CNTNAP2: variants seen among roughly 807,000 people sequenced by gnomAD.
CNTNAP2 encodes contactin-associated protein-like 2.
In CNTNAP2, 98 loss-of-function variants were observed where a neutral mutation model predicts 155.2. That is an observed-to-expected ratio of 0.63 (90% CI 0.54 to 0.75). The LOEUF (loss-of-function observed/expected upper bound fraction) is 0.75. CNTNAP2 is among the 30% of genes least tolerant of loss of function. The probability of loss-of-function intolerance (pLI) is 0.00; values close to 1 mark genes in which losing one functional copy is unlikely to be tolerated. For missense variants in CNTNAP2, 1,727 were observed against 1,688.1 expected (o/e 1.02, Z -0.40); for synonymous variants, 651 against 631.2 (o/e 1.03, Z -0.47).
At chr7:147,339,494 T>C (rs1331175285) in intron 9 of CNTNAP2, among the ~76,000 whole-genome samples, 6 of 152,118 alleles carry the variant, frequency 3.9e-5, no homozygotes, top group African/African-American at 1.4e-4. Context: ...AGTCTTGAAC[T>C]TTGCAGCCAC....
intron 3 of CNTNAP2, among the ~76,000 whole-genome samples, chr7:146,842,917 C>T (rs1269997750): frequency 6.8e-6 from 1 of 146,882 alleles, no homozygotes; most frequent in Non-Finnish European, 1.5e-5. Context: ...CATCTCCTGA[C>T]CTTGTGATCT....
At chr7:148,387,190 C>T (rs184152696) in intron 22 of CNTNAP2, among the ~76,000 whole-genome samples, 87 of 152,282 alleles carry the variant, frequency 5.7e-4, no homozygotes, top group African/African-American at 2.0e-3. Flanking sequence ...TCCCCAGTGG[C>T]TTCAGTTTAA....
In CNTNAP2 at chr7:148,078,584, G is replaced by A. The variant is rs957278241; in HGVS notation, c.2384-39534G>A. On this transcript the variant is annotated intron_variant, in intron 15 of 23. Transcript: ENST00000361727. The stretch of plus-strand genomic sequence containing the variant: ...CAACTTCCACCTCCCAGGTTCAAAC[G>A]ATTCTCCTGCCTCAGCCTCCTGAGT... Among the ~76,000 whole-genome samples, 5 of 152,142 alleles carry A rather than the reference G, an allele frequency of 3.3e-5. No individual in the cohort carries two copies. The South Asian group carries it at 8.3e-4, about 25-fold the overall frequency.
At chr7:147,095,852 G>T (rs1183050943) in intron 4 of CNTNAP2, among the ~76,000 whole-genome samples, 1 of 152,096 alleles carries the variant, frequency 6.6e-6, no homozygotes, top group Non-Finnish European at 1.5e-5. Context: ...AAATGTGGAG[G>T]TTCTTGTTCC....
At chr7:147,787,173 C>T (rs1318560157) in intron 13 of CNTNAP2, among the ~76,000 whole-genome samples, 1 of 152,140 alleles carries the variant, frequency 6.6e-6, no homozygotes, top group African/African-American at 2.4e-5. Context: ...CAGTATTACA[C>T]CATGAAAATG....
intron 4 of CNTNAP2, among the ~76,000 whole-genome samples, chr7:147,066,042 G>A (rs1281220553): frequency 6.6e-6 from 1 of 151,894 alleles, no homozygotes; most frequent in Non-Finnish European, 1.5e-5. Context: ...AAAAAACAAA[G>A]AAACAAAAAA....
chr7:147,745,756 C>A (rs1347459690), intron 13 of CNTNAP2, among the ~76,000 whole-genome samples: 1 of 152,196 alleles, frequency 6.6e-6, no homozygotes. Context: ...TAGAGGACAT[C>A]TGTAACGTAA....
chr7:147,513,489 C>T (rs1053424560), intron 11 of CNTNAP2, among the ~76,000 whole-genome samples: 2 of 152,176 alleles, frequency 1.3e-5, no homozygotes, highest in African/African-American at 4.8e-5. Context: ...CTACTCACCT[C>T]GCTGGGGATT....
chr7:147,526,257 T>C (rs752284831), intron 11 of CNTNAP2, among the ~76,000 whole-genome samples: 2 of 152,004 alleles, frequency 1.3e-5, no homozygotes, highest in Non-Finnish European at 2.9e-5. Flanking sequence ...TGCTTGAATC[T>C]TTGGCATTTT....
At chr7:147,798,218 C>A (rs543312184) in intron 13 of CNTNAP2, among the ~76,000 whole-genome samples, 1 of 152,208 alleles carries the variant, frequency 6.6e-6, no homozygotes, top group South Asian at 2.1e-4. Flanking sequence ...GCAAAAGGAG[C>A]ATGCAAATTT....
chr7:147,065,209 A>T (rs111683063), intron 4 of CNTNAP2, among the ~76,000 whole-genome samples: 10,046 of 152,230 alleles, frequency 0.066, 437 homozygotes, highest in Middle Eastern at 0.13. Flanking sequence ...TGAATGTGAT[A>T]ATAGCCGTTA....
intron 1 of CNTNAP2, among the ~76,000 whole-genome samples, chr7:146,756,955 A>G (rs1802005183): frequency 6.6e-6 from 1 of 152,114 alleles, no homozygotes; most frequent in Non-Finnish European, 1.5e-5. Context: ...TTTCTAATCC[A>G]CCCCACAGTT....
At chr7:147,857,900 C>T (rs1799066584) in intron 13 of CNTNAP2, among the ~76,000 whole-genome samples, 1 of 152,234 alleles carries the variant, frequency 6.6e-6, no homozygotes, top group East Asian at 1.9e-4. Flanking sequence ...TAGTGTGAGT[C>T]ACAGCAAGAA....
intron 9 of CNTNAP2, among the ~76,000 whole-genome samples, chr7:147,368,201 C>G (rs1171030169): frequency 6.6e-6 from 1 of 151,378 alleles, no homozygotes; most frequent in South Asian, 2.1e-4. Context: ...TCTTATTAGT[C>G]AGGATTAGTC....
At chr7:146,433,218 C>T (rs7776460) in intron 1 of CNTNAP2, among the ~76,000 whole-genome samples, 2,586 of 152,094 alleles carry the variant, frequency 0.017, 75 homozygotes, top group African/African-American at 0.058. Context: ...ACAGGTGATC[C>T]CTGGGGCCTT....
Position 148,106,493 on chromosome 7 carries a change from G to GATATATATATATATATAT in CNTNAP2, c.2384-11615_2384-11598dup, listed in dbSNP as rs10532740. Among the ~76,000 whole-genome samples the GATATATATATATATATAT allele has an allele frequency of 1.7e-3, 214 of 124,858 alleles. 2 individuals carry two copies. Among genetic ancestry groups the GATATATATATATATATAT allele is most frequent in the African/African-American group, 7.0e-3 (202 of 28,942 alleles). The allele number at this position is 124,858 out of a possible 152,430, so 81.9% of individuals were successfully genotyped here. ...CACTTCAGTGTACTGCACACTTTGA[G>GATATATATATATATATAT]ATATATATATATATATATATATATA... On this transcript the variant is annotated intron_variant, in intron 15 of 23. Coordinates refer to ENST00000361727, the MANE Select transcript of CNTNAP2 (RefSeq NM_014141.6).
rs769435701 is a variant in CNTNAP2 at position 148,366,122 on chromosome 7, GTA to G, written c.3476-17525_3476-17524del. On this transcript the variant is annotated intron_variant, in intron 21 of 23. Coordinates refer to ENST00000361727, the MANE Select transcript of CNTNAP2 (RefSeq NM_014141.6). Reference sequence around the variant, plus strand: ...TGTGTATGCATGTATGCATGTATGTGTATGCATGTATGCATGTATGTGTATGC... The same window carrying G: ...TGTGTATGCATGTATGCATGTATGTGTGCATGTATGCATGTATGTGTATGC... Among the ~76,000 whole-genome samples the G allele has an allele frequency of 9.3e-5, 4 of 42,868 alleles. 2 individuals carry two copies. Among genetic ancestry groups the G allele is most frequent in the Admixed American group, 4.6e-4 (2 of 4,370 alleles). 28.1% of individuals were successfully genotyped at this position (42,868 alleles called of 152,430 possible).
chr7:147,890,972 T>C (rs1485145446), intron 13 of CNTNAP2, among the ~76,000 whole-genome samples: 1 of 152,222 alleles, frequency 6.6e-6, no homozygotes, highest in Admixed American at 6.5e-5. Flanking sequence ...GTAATGCGTA[T>C]GTTCATTAGC....
At chr7:146,486,028 T>G (rs1797050446) in intron 1 of CNTNAP2, among the ~76,000 whole-genome samples, 1 of 142,504 alleles carries the variant, frequency 7.0e-6, no homozygotes, top group Non-Finnish European at 1.5e-5. Flanking sequence ...ACCAAAAATG[T>G]ACCCAACCCA....
Sources: gnomAD v4.1 joint callset for allele counts (sites outside exome capture counted in the v4.1 genomes callset) on GRCh38, gnomAD v4.1.1 for gene constraint, MANE v1.5 for transcripts, NCBI Gene and HGNC (gene_info 2026-07-23, HGNC 2026-07-21) for gene names.